The following LRRC42 variants were observed in gnomAD, a reference collection of about 807,000 sequenced individuals.
LRRC42 encodes the protein leucine rich repeat containing 42, also known as leucine-rich repeat-containing protein 42.
LRRC42 carries 43 observed loss-of-function variants against 44.3 expected under a neutral mutation model. The observed-to-expected ratio is 0.97, with a 90% CI of 0.76 to 1.25. The LOEUF (loss-of-function observed/expected upper bound fraction) is 1.25. LRRC42 is among the 50% of genes most tolerant of loss of function. LRRC42 has a pLI of 0.00. For missense variants in LRRC42, 540 were observed against 509.1 expected (o/e 1.06, Z -0.58); for synonymous variants, 207 against 195.2 (o/e 1.06, Z -0.50).
chr1:53,960,499 T>C, intron 5 of LRRC42, 25 bp downstream of exon 5: 2 of 1,479,188 alleles, frequency 1.4e-6, no homozygotes, highest in Non-Finnish European at 1.9e-6. Context: ...AAATTATAGA[T>C]TATTTTAATG....
intron 3 of LRRC42, 71 bp from the exon 4 acceptor site, chr1:53,958,078 T>C: frequency 6.3e-7 from 1 of 1,590,550 alleles, no homozygotes; most frequent in Non-Finnish European, 8.6e-7. Context: ...TTGACTATGA[T>C]ACAAATCCAC....
In LRRC42 at chr1:53,952,050, C is replaced by T; in HGVS notation, c.51C>T (p.Tyr17=). 2 of 1,614,220 alleles carry T rather than the reference C, an allele frequency of 1.2e-6. No homozygotes were observed. The highest frequency in any genetic ancestry group is 1.7e-6 in the Non-Finnish European group (2 of 1,180,038). ...SENHLDPGPI[Y]MRENGQLHMV... ...ACCACCTGGACCCAGGGCCCATCTA[C>T]ATGCGAGAAAATGGGCAGCTGCACA... The change falls in exon 3 of 9, where the codon TAC becomes TAT. Residue 17 remains tyrosine (Y), a synonymous_variant. Coordinates refer to ENST00000371370, the MANE Select transcript of LRRC42 (RefSeq NM_001256409.2).
intron 4 of LRRC42, 140 bp from the exon 5 acceptor site, chr1:53,960,216 T>G: frequency 1.6e-6 from 1 of 610,992 alleles, no homozygotes; most frequent in Non-Finnish European, 2.8e-6. Flanking sequence ...AGCTTAACTT[T>G]GTTAAATGCA....
chr1:53,950,878 A>T (rs887231238), intron 2 of LRRC42, among the ~76,000 whole-genome samples: 1 of 152,238 alleles, frequency 6.6e-6, no homozygotes, highest in East Asian at 1.9e-4. Flanking sequence ...AAAGGCTAGA[A>T]TAGTTTTTAT....
chr1:53,968,013 C>T lies in LRRC42; in HGVS notation c.*74C>T. On this transcript the variant is annotated 3_prime_UTR_variant, in exon 9 of 9. Transcript: ENST00000371370. The stretch of plus-strand genomic sequence containing the variant: ...AGTAAAGGAGACTGAGGATGATTTA[C>T]TTTTTGTTTGAATTTACCTATGGCA... 1 of 1,504,034 alleles carries T rather than the reference C, an allele frequency of 6.6e-7. No individual in the cohort carries two copies. Among genetic ancestry groups the T allele is most frequent in the Non-Finnish European group, 9.0e-7 (1 of 1,114,336 alleles). 93.2% of individuals were successfully genotyped at this position (1,504,034 alleles called of 1,614,324 possible).
chr1:53,965,915 A>G (rs558180218), intron 7 of LRRC42, among the ~76,000 whole-genome samples: 1 of 152,366 alleles, frequency 6.6e-6, no homozygotes, highest in African/African-American at 2.4e-5. Flanking sequence ...TATAGTTGGC[A>G]TATTTTAAGG....
Position 53,962,358 on chromosome 1 carries a change from T to A in LRRC42, c.876T>A (p.Pro292=). The A allele has an allele frequency of 1.2e-6, 2 of 1,614,168 alleles. No individual in the cohort carries two copies. Among genetic ancestry groups the A allele is most frequent in the Non-Finnish European group, 1.7e-6 (2 of 1,179,994 alleles). ...TAGGCCTTGTTCACTCCAAAGTGCC[T>A]TTGAAGGAATTTGATCATAGTAACT... ...THIGLVHSKV[P]LKEFDHSNCK... is the part of the protein sequence containing the mutation. The change falls in exon 7 of 9, where the codon CCT becomes CCA. Residue 292 remains proline (P), a synonymous_variant. Transcript: ENST00000371370.
At chr1:53,966,201 G>A (rs987732275) in intron 7 of LRRC42, 95 bp from the exon 8 acceptor site, 1 of 932,692 alleles carries the variant, frequency 1.1e-6, no homozygotes, top group Non-Finnish European at 1.7e-6. Context: ...AGAGGGGTTT[G>A]TGTTTATGGA....
intron 4 of LRRC42, among the ~76,000 whole-genome samples, chr1:53,958,965 A>G (rs1034068464): frequency 3.3e-5 from 5 of 152,086 alleles, no homozygotes; most frequent in African/African-American, 1.2e-4. Context: ...GGCCCACTGC[A>G]ACCTCCACCT....
chr1:53,960,280 G>T (rs1426724771), intron 4 of LRRC42, 76 bp from the exon 5 acceptor site: 7 of 965,544 alleles, frequency 7.2e-6, no homozygotes, highest in Non-Finnish European at 9.6e-6. Flanking sequence ...AAATGAAAAT[G>T]TTGAAAGCAT....
At chr1:53,947,848 T>G (rs1367880802) in intron 2 of LRRC42, 27 bp downstream of exon 2, 2 of 152,236 alleles carry the variant, frequency 1.3e-5, no homozygotes, top group East Asian at 3.8e-4. Flanking sequence ...TTTCACATTT[T>G]TTTTATCCTT....
chr1:53,956,298 C>T (rs1310349112), intron 3 of LRRC42, among the ~76,000 whole-genome samples: 1 of 152,212 alleles, frequency 6.6e-6, no homozygotes, highest in Non-Finnish European at 1.5e-5. Context: ...TGTTGAAACC[C>T]CAGTGATTTT....
At chr1:53,953,026 C>G (rs987995454) in intron 3 of LRRC42, among the ~76,000 whole-genome samples, 6 of 152,186 alleles carry the variant, frequency 3.9e-5, no homozygotes, top group African/African-American at 1.4e-4. Flanking sequence ...AAAATTTTTA[C>G]TTTACCGTCA....
chr1:53,951,421 G>C (rs1407067165), intron 2 of LRRC42, among the ~76,000 whole-genome samples: 1 of 152,056 alleles, frequency 6.6e-6, no homozygotes, highest in Admixed American at 6.6e-5. Context: ...TTTTGACCTG[G>C]GTTTCTGTTT....
At chr1:53,960,778 A>C (rs1012841085) in intron 5 of LRRC42, among the ~76,000 whole-genome samples, 2 of 152,232 alleles carry the variant, frequency 1.3e-5, no homozygotes, top group East Asian at 3.8e-4. Flanking sequence ...CATTTGACTC[A>C]TCTTTATTTT....
At chr1:53,967,529 C>A in intron 8 of LRRC42, 136 bp from the exon 9 acceptor site, 1 of 800,598 alleles carries the variant, frequency 1.2e-6, no homozygotes, top group Non-Finnish European at 2.0e-6. Flanking sequence ...CCTCACAGGG[C>A]ACTCAAGGCA....
chr1:53,958,139 CG>C lies in LRRC42; in HGVS notation c.474-9del. 1 of 1,613,098 alleles carries C rather than the reference CG, an allele frequency of 6.2e-7. No individual in the cohort carries two copies. The highest frequency in any genetic ancestry group is 1.1e-5 in the South Asian group (1 of 91,052). On this transcript the variant is annotated splice_polypyrimidine_tract_variant and intron_variant, in intron 3 of 8. Transcript: ENST00000371370. ...AGGGGAAGCTATTGATTGCTCTCCA[CG>C]CTCCGTAGGTATCTCGTGATTTCAG...
At chr1:53,948,929 T>C (rs560067108) in intron 2 of LRRC42, among the ~76,000 whole-genome samples, 1 of 152,286 alleles carries the variant, frequency 6.6e-6, no homozygotes, top group African/African-American at 2.4e-5. Flanking sequence ...GATGTGCTGA[T>C]TTAGTAGTAG....
intron 1 of LRRC42, 127 bp downstream of exon 1, chr1:53,946,676 AG>A (rs970359981): frequency 3.9e-5 from 3 of 76,978 alleles, no homozygotes; most frequent in Middle Eastern, 5.0e-3. Context: ...GCGCGGGTTG[AG>A]GGGAGGATGA....
Sources: allele counts gnomAD v4.1 joint callset (sites outside exome capture counted in the v4.1 genomes callset), GRCh38; gene constraint gnomAD v4.1.1; transcripts MANE v1.5; gene names NCBI Gene and HGNC (gene_info 2026-07-23, HGNC 2026-07-21).